Variants in WIPF3 observed in about 807,000 individuals in gnomAD.
WIPF3 encodes the protein WAS/WASL-interacting protein family member 3.
Under a neutral mutation model 38.9 loss-of-function variants are expected in WIPF3, and 33 were observed. The ratio of observed to expected loss-of-function variants is 0.85; its 90% CI spans 0.64 to 1.14. WIPF3 has a LOEUF of 1.14. Among genes scored for constraint, WIPF3 ranks in the 50% most tolerant of loss-of-function variants. The pLI is 0.00. For synonymous variants in WIPF3, 324 were observed against 269.3 expected (o/e 1.20, Z -1.99); for missense variants, 711 against 652.5 (o/e 1.09, Z -0.98).
chr7:29,821,164 A>T (rs896129387), intron 1 of WIPF3, among the ~76,000 whole-genome samples: 1 of 152,220 alleles, frequency 6.6e-6, no homozygotes, highest in Non-Finnish European at 1.5e-5. Flanking sequence ...TACTACAATG[A>T]CAGTTTGGCT....
intron 7 of WIPF3, among the ~76,000 whole-genome samples, chr7:29,897,770 C>T (rs1279842463): frequency 6.6e-6 from 1 of 152,174 alleles, no homozygotes; most frequent in East Asian, 1.9e-4. Context: ...TTGCGGAAGG[C>T]AGCTGGGGAG....
chr7:29,846,086 T>A (rs543288134), intron 2 of WIPF3, among the ~76,000 whole-genome samples: 6 of 152,354 alleles, frequency 3.9e-5, no homozygotes, highest in Non-Finnish European at 8.8e-5. Flanking sequence ...GAATATTTTA[T>A]AAAGCAAATG....
At chr7:29,828,193 A>T (rs1459669577) in intron 1 of WIPF3, among the ~76,000 whole-genome samples, 2 of 152,204 alleles carry the variant, frequency 1.3e-5, no homozygotes, top group African/African-American at 2.4e-5. Flanking sequence ...ACTCTCACAG[A>T]CTACTCTTGG....
chr7:29,879,617 AG>A (rs1281403023), intron 4 of WIPF3, among the ~76,000 whole-genome samples: 1 of 152,262 alleles, frequency 6.6e-6, no homozygotes, highest in East Asian at 1.9e-4. Context: ...TCTGTGGGTT[AG>A]CAGCTTAGAG....
At chr7:29,848,794 G>A (rs1785044217) in intron 2 of WIPF3, among the ~76,000 whole-genome samples, 1 of 152,188 alleles carries the variant, frequency 6.6e-6, no homozygotes, top group African/African-American at 2.4e-5. Context: ...GGGAACGTGG[G>A]TTGTGGAAAG....
chr7:29,824,682 A>T (rs541994141), intron 1 of WIPF3, among the ~76,000 whole-genome samples: 3 of 152,160 alleles, frequency 2.0e-5, no homozygotes, highest in Non-Finnish European at 4.4e-5. Flanking sequence ...CCCAGAGAGG[A>T]GTACATGTTA....
chr7:29,809,360 G>C lies in WIPF3; in HGVS notation c.-58+2682G>C, dbSNP rs544064172. On this transcript the variant is annotated intron_variant, in intron 1 of 8. Coordinates refer to ENST00000242140, the MANE Select transcript of WIPF3 (RefSeq NM_001080529.3). Reference sequence around the variant, plus strand: ...TGAGTCCCCTCAGCCCAGTGCCATCGAGCATGGTTCTGCATCACAAAGTTA... The same window carrying C: ...TGAGTCCCCTCAGCCCAGTGCCATCCAGCATGGTTCTGCATCACAAAGTTA... Among the ~76,000 whole-genome samples the C allele has an allele frequency of 4.6e-5, 7 of 152,194 alleles. 1 individual carries two copies. Among genetic ancestry groups the C allele is most frequent in the Non-Finnish European group, 1.0e-4 (7 of 68,042 alleles).
chr7:29,901,541 G>A (rs1306968836), intron 7 of WIPF3, among the ~76,000 whole-genome samples: 3 of 151,648 alleles, frequency 2.0e-5, no homozygotes, highest in African/African-American at 4.8e-5. Context: ...CTATAATCCC[G>A]ACACTTTGGG....
intron 2 of WIPF3, among the ~76,000 whole-genome samples, chr7:29,868,902 C>T (rs868636190): frequency 1.4e-4 from 22 of 152,282 alleles, no homozygotes; most frequent in East Asian, 1.3e-3. Context: ...GGACCACCGT[C>T]GTATGTGTGG....
At chr7:29,889,469 G>A in intron 7 of WIPF3, 62 bp downstream of exon 7, 1 of 1,262,264 alleles carries the variant, frequency 7.9e-7, no homozygotes, top group Non-Finnish European at 1.2e-6. Flanking sequence ...GGTGCCCACT[G>A]TGCATCAGTT....
At chr7:29,851,996 T>A (rs1340984295) in intron 2 of WIPF3, among the ~76,000 whole-genome samples, 4 of 152,106 alleles carry the variant, frequency 2.6e-5, no homozygotes, top group Non-Finnish European at 5.9e-5. Context: ...TTTATTTTTT[T>A]AATTTTTTAA....
At chr7:29,883,110 A>G (rs925641806) in intron 4 of WIPF3, among the ~76,000 whole-genome samples, 2 of 152,232 alleles carry the variant, frequency 1.3e-5, no homozygotes, top group African/African-American at 4.8e-5. Context: ...ATGCTTATCA[A>G]GAGCCAATGG....
rs1398378849 is a variant in WIPF3, at chr7:29,875,953, C to T, written c.214C>T (p.Gln72Ter). Residue 72 changes from glutamine (Q) to a stop codon, truncating the protein, a stop_gained, in exon 3 of 9, where the codon CAG becomes TAG. Coordinates refer to ENST00000242140, the MANE Select transcript of WIPF3 (RefSeq NM_001080529.3). LOFTEE classifies it high-confidence loss of function. ...VTQINDRSAPQIESSKGTNKE... is the reference protein window; with the variant it reads ...VTQINDRSAP ...GCAGATCAACGACCGCAGTGCCCCGCAGATCGAGAGTAAGTGAGCAGCCGG... is the reference window on the plus strand; with the variant it reads ...GCAGATCAACGACCGCAGTGCCCCGTAGATCGAGAGTAAGTGAGCAGCCGG... The T allele has an allele frequency of 6.2e-7, 1 of 1,613,620 alleles. No homozygotes were observed. Among genetic ancestry groups the T allele is most frequent in the East Asian group, 2.2e-5 (1 of 44,878 alleles).
chr7:29,816,268 A>C (rs903262015), intron 1 of WIPF3, among the ~76,000 whole-genome samples: 3 of 152,138 alleles, frequency 2.0e-5, no homozygotes, highest in Admixed American at 6.6e-5. Context: ...CTAGTTATGC[A>C]TTCTTCCAGA....
intron 5 of WIPF3, among the ~76,000 whole-genome samples, chr7:29,887,818 C>T (rs1221363422): frequency 6.6e-6 from 1 of 152,124 alleles, no homozygotes; most frequent in East Asian, 1.9e-4. Flanking sequence ...TTCTCAGTAA[C>T]CCTGGGAAGT....
chr7:29,855,588 G>A (rs1785173662), intron 2 of WIPF3, among the ~76,000 whole-genome samples: 1 of 152,168 alleles, frequency 6.6e-6, no homozygotes, highest in Admixed American at 6.5e-5. Flanking sequence ...CCCTTTTGGG[G>A]GCCACTGTTG....
intron 7 of WIPF3, among the ~76,000 whole-genome samples, chr7:29,894,099 C>G (rs1225220716): frequency 1.3e-5 from 2 of 152,182 alleles, no homozygotes; most frequent in East Asian, 3.8e-4. Context: ...TTTTGCTGAT[C>G]TGCCCTAAAC....
chr7:29,822,645 G>T lies in WIPF3; in HGVS notation c.-57-12023G>T, dbSNP rs371028988. Among the ~76,000 whole-genome samples, 19 of 152,322 alleles carry T rather than the reference G, an allele frequency of 1.2e-4. No homozygotes were observed. The East Asian group carries it at 3.7e-3, about 29-fold the overall frequency. ...TGGAGAGCAGGGCTCTGCAGGCTTT[G>T]TCTGAGGCTTACAGCCACAAATGTA... On this transcript the variant is annotated intron_variant, in intron 1 of 8. Transcript: ENST00000242140.
At chr7:29,813,743 A>T (rs1375980598) in intron 1 of WIPF3, among the ~76,000 whole-genome samples, 1 of 152,146 alleles carries the variant, frequency 6.6e-6, no homozygotes, top group Non-Finnish European at 1.5e-5. Flanking sequence ...GAATTTTCAC[A>T]GTTGTGCAAC....
Sources: allele counts gnomAD v4.1 joint callset (sites outside exome capture counted in the v4.1 genomes callset), GRCh38; gene constraint gnomAD v4.1.1; transcripts MANE v1.5; gene names NCBI Gene and HGNC (gene_info 2026-07-23, HGNC 2026-07-21).